CNOT4: variants seen among roughly 807,000 people sequenced by gnomAD.
CNOT4 encodes CCR4-NOT transcription complex subunit 4.
Under a neutral mutation model 73.8 loss-of-function variants are expected in CNOT4, and 8 were observed. That is an observed-to-expected ratio of 0.11 (90% CI 0.06 to 0.20). CNOT4 has a LOEUF of 0.20. CNOT4 is among the 10% of genes least tolerant of loss of function. The pLI is 1.00. For missense variants in CNOT4, 564 were observed against 883.4 expected, an observed-to-expected ratio of 0.64 and a Z score of 4.58; for synonymous variants, 293 against 321.1, an observed-to-expected ratio of 0.91 and a Z score of 0.94.
intron 1 of CNOT4, among the ~76,000 whole-genome samples, chr7:135,488,344 G>A (rs1016408039): frequency 1.3e-5 from 2 of 152,034 alleles, no homozygotes; most frequent in African/African-American, 4.8e-5. Flanking sequence ...CAAGACAATC[G>A]TACCACTACA....
chr7:135,414,212 G>A, intron 5 of CNOT4, 119 bp downstream of exon 5: 1 of 552,120 alleles, frequency 1.8e-6, no homozygotes, highest in East Asian at 2.8e-5. Flanking sequence ...TGGACCCTAA[G>A]ACAGACTCTT....
intron 1 of CNOT4, among the ~76,000 whole-genome samples, chr7:135,479,131 C>T (rs1044180367): frequency 1.3e-5 from 2 of 149,270 alleles, no homozygotes; most frequent in African/African-American, 4.9e-5. Flanking sequence ...CTTTGACAAA[C>T]ATTGCCAAAT....
intron 1 of CNOT4, among the ~76,000 whole-genome samples, chr7:135,502,729 T>G (rs1158323334): frequency 6.9e-6 from 1 of 144,192 alleles, no homozygotes; most frequent in African/African-American, 2.6e-5. Context: ...GGCAGGAGAG[T>G]TGCTTGAACC....
rs75317057 is a variant in CNOT4, at chr7:135,395,255, G to A, written c.1129+379C>T. ...AAAAATTAACCAGGAGGCTGAGGTG[G>A]GAGGATCACTTGAACCCAGGGTGTG... On this transcript the variant is annotated intron_variant, in intron 9 of 11. Coordinates refer to ENST00000541284, the MANE Select transcript of CNOT4 (RefSeq NM_001190850.2). 2.2e-3 allele frequency among the ~76,000 whole-genome samples: 338 copies of A among 151,936 alleles called. 12 individuals are homozygous for A. The East Asian group carries it at 0.054, about 24-fold the overall frequency.
chr7:135,399,469 T>G (rs1209972246), intron 7 of CNOT4, among the ~76,000 whole-genome samples: 1 of 152,102 alleles, frequency 6.6e-6, no homozygotes, highest in Non-Finnish European at 1.5e-5. Flanking sequence ...ACCACCATTG[T>G]ATATGTGGTC....
intron 2 of CNOT4, among the ~76,000 whole-genome samples, chr7:135,436,298 G>T (rs1585640050): frequency 6.7e-6 from 1 of 148,390 alleles, no homozygotes; most frequent in Admixed American, 6.7e-5. Flanking sequence ...TTATTTTTCT[G>T]TAATGACAAT....
At chr7:135,501,599 C>T (rs762057092) in intron 1 of CNOT4, among the ~76,000 whole-genome samples, 8 of 152,180 alleles carry the variant, frequency 5.3e-5, no homozygotes, top group East Asian at 3.9e-4. Context: ...CACTATTGAA[C>T]GAGTAATCTT....
chr7:135,364,166 T>C lies in CNOT4; in HGVS notation c.1628-100A>G. 1.1e-6 allele frequency: 1 copy of C among 920,102 alleles called. No homozygotes were observed. Among genetic ancestry groups the C allele is most frequent in the Non-Finnish European group, 1.6e-6 (1 of 606,896 alleles). 57.0% of individuals were successfully genotyped at this position (920,102 alleles called of 1,614,324 possible). A position where few individuals can be genotyped will look rare whatever the true frequency, so the allele number is the denominator to read the frequency against. On this transcript the variant is annotated intron_variant, in intron 10 of 11. Coordinates refer to ENST00000541284, the MANE Select transcript of CNOT4 (RefSeq NM_001190850.2). This position sits in a 1 kb window ranked among gnomAD's most constrained non-coding sequence, Gnocchi z 4.3. ...TAGTGGTTAAGCGGGAGAAGAATTA[T>C]TCTTTCTTTATTGAGCATTTAAAAT...
chr7:135,362,194 A>G lies in CNOT4; in HGVS notation c.*691T>C, dbSNP rs1340248325. 1.3e-5 allele frequency: 2 copies of G among 152,622 alleles called. No homozygotes were observed. Among genetic ancestry groups the G allele is most frequent in the African/African-American group, 4.8e-5 (2 of 41,458 alleles). The allele number at this position is 152,622 out of a possible 1,614,324, so 9.5% of individuals were successfully genotyped here. On this transcript the variant is annotated 3_prime_UTR_variant, in exon 12 of 12. Transcript: ENST00000541284. ...ACATTTCAATTTACTTTAAATCTAA[A>G]GCCAAAAAATTTTTCTCCTTTAAAA...
At chr7:135,496,417 T>C (rs1310825870) in intron 1 of CNOT4, among the ~76,000 whole-genome samples, 2 of 152,314 alleles carry the variant, frequency 1.3e-5, no homozygotes, top group East Asian at 3.9e-4. Flanking sequence ...TATCAGTCTC[T>C]GCTTAACATC....
At chr7:135,409,775 C>T (rs959485132) in intron 7 of CNOT4, among the ~76,000 whole-genome samples, 2 of 151,754 alleles carry the variant, frequency 1.3e-5, no homozygotes, top group Admixed American at 1.3e-4. Context: ...TAAAAAAGAA[C>T]AAAAAACCTA....
At chr7:135,399,917 C>T (rs1195572559) in intron 7 of CNOT4, among the ~76,000 whole-genome samples, 1 of 152,120 alleles carries the variant, frequency 6.6e-6, no homozygotes, top group East Asian at 1.9e-4. Flanking sequence ...AAGATAAGTG[C>T]ACAAATAAGG....
chr7:135,506,698 CT>C (rs1189821784), intron 1 of CNOT4, among the ~76,000 whole-genome samples: 1 of 151,728 alleles, frequency 6.6e-6, no homozygotes, highest in Non-Finnish European at 1.5e-5. Context: ...AAATACAAAA[CT>C]TAGCCGGGCA....
intron 7 of CNOT4, among the ~76,000 whole-genome samples, chr7:135,400,452 T>G (rs1433588191): frequency 2.0e-5 from 3 of 152,028 alleles, no homozygotes; most frequent in Non-Finnish European, 4.4e-5. Context: ...AAAAGAAAGA[T>G]ATTACAAAGG....
At chr7:135,389,469 A>G (rs2129483210) in intron 10 of CNOT4, among the ~76,000 whole-genome samples, 1 of 152,290 alleles carries the variant, frequency 6.6e-6, no homozygotes, top group East Asian at 1.9e-4. Flanking sequence ...CAATGATCCA[A>G]TTGACTGAAA....
At chr7:135,389,831 C>A (rs1796311787) in intron 10 of CNOT4, among the ~76,000 whole-genome samples, 1 of 152,026 alleles carries the variant, frequency 6.6e-6, no homozygotes, top group South Asian at 2.1e-4. Flanking sequence ...TAAAACAAAT[C>A]TGCAAAATTA....
chr7:135,374,913 C>G (rs1795435819), intron 10 of CNOT4, among the ~76,000 whole-genome samples: 1 of 152,138 alleles, frequency 6.6e-6, no homozygotes, highest in Non-Finnish European at 1.5e-5. Context: ...GCTTATGATA[C>G]TTGGTCTGGC....
chr7:135,402,689 T>C (rs2129483739), intron 7 of CNOT4, among the ~76,000 whole-genome samples: 1 of 152,272 alleles, frequency 6.6e-6, no homozygotes, highest in South Asian at 2.1e-4. Flanking sequence ...AAGAAATCAC[T>C]AAAATCAAAT....
chr7:135,495,793 G>A (rs1803532956), intron 1 of CNOT4, among the ~76,000 whole-genome samples: 1 of 150,488 alleles, frequency 6.6e-6, no homozygotes, highest in South Asian at 2.1e-4. Flanking sequence ...CTGGGTGGGA[G>A]CAATAGCTCA....
Sources: allele counts gnomAD v4.1 joint callset (sites outside exome capture counted in the v4.1 genomes callset), GRCh38; gene constraint gnomAD v4.1.1; non-coding constraint Gnocchi (gnomAD v3.1); transcripts MANE v1.5; gene names NCBI Gene and HGNC (gene_info 2026-07-23, HGNC 2026-07-21).